Variants in SCG5 observed in about 807,000 individuals in gnomAD.
SCG5 encodes the protein secretogranin V.
SCG5 carries 18 observed loss-of-function variants against 25.7 expected under a neutral mutation model. The ratio of observed to expected loss-of-function variants is 0.70; its 90% CI spans 0.48 to 1.04. SCG5 has a LOEUF of 1.04. Ranked by LOEUF, SCG5 falls within the 50% of genes least tolerant of loss-of-function variation. The pLI is 0.00. For synonymous variants in SCG5, 101 were observed against 91.7 expected (o/e 1.10, Z -0.58); for missense variants, 206 against 259.8 (o/e 0.79, Z 1.42).
In SCG5 at chr15:32,682,925, G is replaced by A. The variant is rs148188598; in HGVS notation, c.377-1632G>A. On this transcript the variant is annotated intron_variant, in intron 3 of 5. Transcript: ENST00000300175. ...TCTAGGGCACATTTTTAAGCCCGGAGACACCTTCGGTTCCCAGAGCAGGCT... is the reference window on the plus strand; with the variant it reads ...TCTAGGGCACATTTTTAAGCCCGGAAACACCTTCGGTTCCCAGAGCAGGCT... Among the ~76,000 whole-genome samples the A allele has an allele frequency of 1.3e-3, 193 of 152,254 alleles. No homozygotes were observed. The South Asian group carries it at 0.016, about 12-fold the overall frequency.
intron 4 of SCG5, among the ~76,000 whole-genome samples, chr15:32,687,299 C>G (rs894013853): frequency 6.6e-6 from 1 of 152,178 alleles, no homozygotes; most frequent in Non-Finnish European, 1.5e-5. Context: ...TTGAGTTTCT[C>G]TCAGTGTTTC....
chr15:32,681,097 G>T (rs2054612399), intron 3 of SCG5, among the ~76,000 whole-genome samples: 1 of 152,112 alleles, frequency 6.6e-6, no homozygotes, highest in Non-Finnish European at 1.5e-5. Flanking sequence ...ATTATAATTA[G>T]CTTTGCTGCC....
At chr15:32,672,419 A>AG (rs1483656445) in intron 2 of SCG5, among the ~76,000 whole-genome samples, 1 of 152,232 alleles carries the variant, frequency 6.6e-6, no homozygotes, top group Non-Finnish European at 1.5e-5. Flanking sequence ...TCTGGAGGGC[A>AG]GGGGTTGTCC....
intron 2 of SCG5, among the ~76,000 whole-genome samples, 193 bp downstream of exon 2, chr15:32,644,011 C>A (rs1399081098): frequency 2.0e-5 from 3 of 152,218 alleles, no homozygotes; most frequent in East Asian, 3.8e-4. Flanking sequence ...TACATACTTA[C>A]ATATACACAC....
chr15:32,671,699 GA>G (rs36107704), intron 2 of SCG5, among the ~76,000 whole-genome samples: 32,470 of 143,446 alleles, frequency 0.23, 3,662 homozygotes, highest in Non-Finnish European at 0.25. Context: ...CTCAAGTAGT[GA>G]AAAAAAAAAA....
chr15:32,659,777 A>G lies in SCG5; in HGVS notation c.226+15959A>G, dbSNP rs143073685. On this transcript the variant is annotated intron_variant, in intron 2 of 5. Transcript: ENST00000300175. ...TTTTCCTCTGGAGCAGCAGGAATGGATGGGCCTGCTGGGAAGAATCCCTTT... is the reference window on the plus strand; with the variant it reads ...TTTTCCTCTGGAGCAGCAGGAATGGGTGGGCCTGCTGGGAAGAATCCCTTT... Among the ~76,000 whole-genome samples, 386 of 152,272 alleles carry G rather than the reference A, an allele frequency of 2.5e-3. 1 individual carries two copies. The highest frequency in any genetic ancestry group is 8.9e-3 in the African/African-American group (369 of 41,562).
intron 4 of SCG5, among the ~76,000 whole-genome samples, chr15:32,688,962 A>AAAAAAAAG (rs1470469025): frequency 6.9e-4 from 76 of 109,446 alleles, no homozygotes; most frequent in Non-Finnish European, 9.0e-4. Context: ...CCGTCTCAAA[A>AAAAAAAAG]AAAAAAAAAA....
At chr15:32,685,342 A>C (rs961660796) in intron 4 of SCG5, among the ~76,000 whole-genome samples, 1 of 152,224 alleles carries the variant, frequency 6.6e-6, no homozygotes, top group Non-Finnish European at 1.5e-5. Context: ...CAGCTTGATG[A>C]GGGAAATGCA....
chr15:32,657,687 T>C (rs1012248594), intron 2 of SCG5, among the ~76,000 whole-genome samples: 5 of 152,136 alleles, frequency 3.3e-5, no homozygotes, highest in Admixed American at 3.3e-4. Context: ...CTTGTGGGCG[T>C]CTCTGGCAGC....
At chr15:32,667,823 C>A (rs1055824620) in intron 2 of SCG5, among the ~76,000 whole-genome samples, 2 of 152,046 alleles carry the variant, frequency 1.3e-5, no homozygotes, top group African/African-American at 4.8e-5. Flanking sequence ...CAGGCACACA[C>A]CAGCATGCCT....
intron 2 of SCG5, among the ~76,000 whole-genome samples, chr15:32,647,417 A>C (rs2140499389): frequency 6.6e-6 from 1 of 152,318 alleles, no homozygotes; most frequent in Admixed American, 6.5e-5. Context: ...ATTTGCTCTC[A>C]AATATAGAAT....
intron 1 of SCG5, among the ~76,000 whole-genome samples, chr15:32,642,854 G>GTCC (rs1353705838): frequency 5.3e-5 from 8 of 152,006 alleles, no homozygotes; most frequent in Admixed American, 4.6e-4. Context: ...GCCTGGCATT[G>GTCC]TCCTAAACAC....
At position 32,696,687 on chromosome 15, in the gene SCG5, T is replaced by C. The variant is rs2054974547; in HGVS notation, c.*78T>C. ...TATGTGCACGTGTAAATGGAGTCCC[T>C]GTGAATGACAGCATGTTTCTTACAT... On this transcript the variant is annotated 3_prime_UTR_variant, in exon 6 of 6. Transcript: ENST00000300175. The C allele has an allele frequency of 1.2e-6, 1 of 825,006 alleles. No homozygotes were observed. Among genetic ancestry groups the C allele is most frequent in the Non-Finnish European group, 2.1e-6 (1 of 483,650 alleles). The allele number at this position is 825,006 out of a possible 1,614,324, so 51.1% of individuals were successfully genotyped here.
chr15:32,656,796 C>T (rs531348406), intron 2 of SCG5, among the ~76,000 whole-genome samples: 28 of 152,118 alleles, frequency 1.8e-4, no homozygotes, highest in African/African-American at 4.3e-4. Flanking sequence ...CTGTCGAAGG[C>T]GGCTGGAAGG....
At chr15:32,685,337 T>C (rs191893994) in intron 4 of SCG5, among the ~76,000 whole-genome samples, 155 of 152,344 alleles carry the variant, frequency 1.0e-3, no homozygotes, top group African/African-American at 3.6e-3. Context: ...TTTGCCAGCT[T>C]GATGAGGGAA....
chr15:32,671,072 C>T (rs2054415178), intron 2 of SCG5, among the ~76,000 whole-genome samples: 2 of 152,006 alleles, frequency 1.3e-5, no homozygotes, highest in South Asian at 4.1e-4. Flanking sequence ...GCATGTTATC[C>T]CCGGGTTAAA....
chr15:32,660,863 T>A (rs4238560), intron 2 of SCG5, among the ~76,000 whole-genome samples: 148,922 of 152,368 alleles, frequency 0.98, 72,784 homozygotes, highest in East Asian at 1. Flanking sequence ...AAAGCTCTAG[T>A]ATCTGGGAAG....
intron 2 of SCG5, among the ~76,000 whole-genome samples, chr15:32,659,184 A>G (rs2054176201): frequency 6.6e-6 from 1 of 150,968 alleles, no homozygotes; most frequent in Non-Finnish European, 1.5e-5. Flanking sequence ...TCAAAAAAAA[A>G]CAAACAAAAA....
chr15:32,672,414 A>G (rs1194880053), intron 2 of SCG5, among the ~76,000 whole-genome samples: 1 of 152,192 alleles, frequency 6.6e-6, no homozygotes, highest in Non-Finnish European at 1.5e-5. Context: ...CAGAGTCTGG[A>G]GGGCAGGGGT....
Sources: allele counts gnomAD v4.1 joint callset (sites outside exome capture counted in the v4.1 genomes callset), GRCh38; gene constraint gnomAD v4.1.1; transcripts MANE v1.5; gene names NCBI Gene and HGNC (gene_info 2026-07-23, HGNC 2026-07-21).